The following RFC3 variants were observed in gnomAD, a reference collection of about 807,000 sequenced individuals.
The protein encoded by RFC3 is replication factor C subunit 3.
In RFC3, 41 loss-of-function variants were observed where a neutral mutation model predicts 45.1. The observed-to-expected ratio is 0.91, with a 90% confidence interval of 0.71 to 1.18. The LOEUF is 1.18. RFC3 is among the 50% of genes most tolerant of loss of function. The probability of loss-of-function intolerance (pLI) is 0.00; values close to 1 mark genes in which losing one functional copy is unlikely to be tolerated. For missense variants in RFC3, 423 were observed against 428.1 expected (o/e 0.99, Z 0.10); for synonymous variants, 149 against 144.0 (o/e 1.03, Z -0.25).
chr13:33,911,206 T>C (rs1403983482), intron 8 of RFC3, among the ~76,000 whole-genome samples: 1 of 152,072 alleles, frequency 6.6e-6, no homozygotes, highest in African/African-American at 2.4e-5. Context: ...GCTGCCTCTG[T>C]TGAACTGAAT....
chr13:33,853,126 C>A (rs2082286577), intron 8 of RFC3, among the ~76,000 whole-genome samples: 1 of 152,142 alleles, frequency 6.6e-6, no homozygotes, highest in Non-Finnish European at 1.5e-5. Context: ...ATTCCAGATT[C>A]AAGAGAAGAC....
At chr13:33,887,892 T>G (rs2082536674) in intron 8 of RFC3, among the ~76,000 whole-genome samples, 1 of 152,216 alleles carries the variant, frequency 6.6e-6, no homozygotes, top group Non-Finnish European at 1.5e-5. Context: ...GGGAATCCTT[T>G]CCCCATTTCT....
intron 8 of RFC3, among the ~76,000 whole-genome samples, chr13:33,924,663 A>G (rs960743312): frequency 1.2e-4 from 18 of 147,760 alleles, no homozygotes; most frequent in African/African-American, 3.0e-4. Flanking sequence ...ATGTGTGTGT[A>G]TATATATATA....
intron 8 of RFC3, among the ~76,000 whole-genome samples, chr13:33,871,322 G>T (rs1029788571): frequency 6.6e-6 from 1 of 152,208 alleles, no homozygotes; most frequent in Non-Finnish European, 1.5e-5. Context: ...TGTCAGCAGG[G>T]CTGGTTGCTC....
Position 33,818,194 on chromosome 13 carries a change from G to C in RFC3, c.16G>C (p.Asp6His), listed in dbSNP as rs376501033. 7.4e-6 allele frequency: 12 copies of C among 1,613,542 alleles called. No individual in the cohort carries two copies. Among genetic ancestry groups the C allele is most frequent in the Non-Finnish European group, 9.3e-6 (11 of 1,179,964 alleles). Residue 6 changes from aspartate (D) to histidine (H), a missense_variant, in exon 1 of 9, where the codon GAC (aspartate) becomes CAC (histidine). Asp to His is a moderately conservative substitution (Grantham distance 81). Transcript: ENST00000380071. ...TCGAGCTGCCATGAGCCTCTGGGTG[G>C]ACAAGTATCGGCCCTGCTCCTTGGG... MSLWV[D>H]KYRPCSLGRL... is the part of the protein sequence containing the mutation.
the RFC3 span, among the ~76,000 whole-genome samples, chr13:33,971,949 T>C: frequency 8.4e-5 from 1 of 11,908 alleles, no homozygotes; most frequent in Non-Finnish European, 2.1e-4. Context: ...CCATCTCTAA[T>C]AAAAATACAA....
chr13:33,837,452 G>A lies in RFC3; in HGVS notation c.*1157G>A, dbSNP rs2082165931. On this transcript the variant is annotated 3_prime_UTR_variant, in exon 9 of 9. Coordinates refer to ENST00000380071, the MANE Select transcript of RFC3 (RefSeq NM_002915.4). Reference sequence around the variant, plus strand: ...CTATTCACTTGCTGATGGATCTTTGGTTTGTTTCCAGGTTTGGTTATTATG... The same window carrying A: ...CTATTCACTTGCTGATGGATCTTTGATTTGTTTCCAGGTTTGGTTATTATG... The A allele has an allele frequency of 6.6e-6, 1 of 152,054 alleles. No homozygotes were observed. The highest frequency in any genetic ancestry group is 6.6e-5 in the Admixed American group (1 of 15,238). The allele number at this position is 152,054 out of a possible 1,614,324, so 9.4% of individuals were successfully genotyped here.
downstream of RFC3, among the ~76,000 whole-genome samples, chr13:33,970,000 A>G (rs2083103556): frequency 1.3e-5 from 2 of 150,418 alleles, no homozygotes; most frequent in Non-Finnish European, 2.9e-5. Context: ...AACATGTGCC[A>G]TGGTTGTTTG....
At chr13:33,935,810 C>G (rs1017986972) in intron 8 of RFC3, among the ~76,000 whole-genome samples, 1 of 152,162 alleles carries the variant, frequency 6.6e-6, no homozygotes, top group Admixed American at 6.5e-5. Context: ...AAAAAACCAA[C>G]CAATCAACAA....
chr13:33,917,335 A>G (rs1017191557), intron 8 of RFC3, among the ~76,000 whole-genome samples: 5 of 152,146 alleles, frequency 3.3e-5, no homozygotes, highest in Admixed American at 6.5e-5. Context: ...TTCCAGAAAG[A>G]TAATCCGAGG....
intron 8 of RFC3, among the ~76,000 whole-genome samples, chr13:33,928,241 G>A (rs2082828083): frequency 6.6e-6 from 1 of 152,084 alleles, no homozygotes; most frequent in Admixed American, 6.6e-5. Context: ...GAAAGACTGA[G>A]TCAATCATGA....
chr13:33,863,124 T>C (rs1209183046), intron 8 of RFC3, among the ~76,000 whole-genome samples: 1 of 152,240 alleles, frequency 6.6e-6, no homozygotes, highest in Non-Finnish European at 1.5e-5. Flanking sequence ...TTTGGAATGA[T>C]GTTCCTTCCA....
chr13:33,835,838 C>T (rs1593622551), intron 8 of RFC3, among the ~76,000 whole-genome samples: 2 of 152,248 alleles, frequency 1.3e-5, no homozygotes, highest in African/African-American at 4.8e-5. Context: ...CTGCAGAAAG[C>T]ATCCTTACAC....
chr13:33,928,451 A>G (rs1310999768), intron 8 of RFC3, among the ~76,000 whole-genome samples: 1 of 152,166 alleles, frequency 6.6e-6, no homozygotes, highest in African/African-American at 2.4e-5. Context: ...TCAGAGGCTT[A>G]GAGAGAGTTC....
chr13:33,872,837 A>G (rs1593655460), intron 8 of RFC3, among the ~76,000 whole-genome samples: 1 of 133,922 alleles, frequency 7.5e-6, no homozygotes, highest in East Asian at 2.6e-4. Context: ...AAATGTTTGA[A>G]TGTTTGCAGG....
At chr13:33,883,874 C>G (rs1296140938) in intron 8 of RFC3, among the ~76,000 whole-genome samples, 2 of 151,986 alleles carry the variant, frequency 1.3e-5, no homozygotes, top group African/African-American at 4.8e-5. Context: ...ATCTGTGTAA[C>G]AAATCCACAT....
In RFC3 at chr13:33,898,088, G is replaced by A. The variant is rs570650419; in HGVS notation, c.879+62871G>A. 1.7e-4 allele frequency among the ~76,000 whole-genome samples: 26 copies of A among 152,036 alleles called. No homozygotes were observed. The South Asian group carries it at 5.4e-3, about 32-fold the overall frequency. On this transcript the variant is annotated intron_variant, in intron 8 of 8. Coordinates refer to the RFC3 transcript ENST00000434425. Reference sequence around the variant, plus strand: ...CTTTAACACCCCACTGTAATAATGGGCAGATCATTCAGACAAAACGTTTTT... The same window carrying A: ...CTTTAACACCCCACTGTAATAATGGACAGATCATTCAGACAAAACGTTTTT...
At position 33,913,457 on chromosome 13, in the gene RFC3, A is replaced by G. The variant is rs75689743; in HGVS notation, c.880-52630A>G. ...TCATGAAACACCAAGTTGCCTGAGT[A>G]GTAAATGAACTAATTTTGTGATAAG... On this transcript the variant is annotated intron_variant, in intron 8 of 8. Transcript: ENST00000434425. Among the ~76,000 whole-genome samples the G allele has an allele frequency of 7.2e-3, 1,093 of 152,266 alleles. 9 individuals are homozygous for G. The highest frequency in any genetic ancestry group is 0.013 in the Non-Finnish European group (851 of 68,014).
chr13:33,939,874 T>A (rs1165719880), intron 8 of RFC3, among the ~76,000 whole-genome samples: 1 of 152,134 alleles, frequency 6.6e-6, no homozygotes, highest in East Asian at 1.9e-4. Context: ...ATTGTCATAA[T>A]TTTCTCTTGT....
Sources: gnomAD v4.1 joint callset for allele counts (sites outside exome capture counted in the v4.1 genomes callset) on GRCh38, gnomAD v4.1.1 for gene constraint, MANE v1.5 for transcripts, NCBI Gene and HGNC (gene_info 2026-07-23, HGNC 2026-07-21) for gene names.